Variants in TLCD4 observed in about 807,000 individuals in gnomAD.
TLCD4 encodes TLC domain-containing protein 4.
Under a neutral mutation model 24.2 loss-of-function variants are expected in TLCD4, and 7 were observed. That is an observed-to-expected ratio of 0.29 (90% CI 0.16 to 0.54). TLCD4 has a LOEUF of 0.54. Among genes scored for constraint, TLCD4 ranks in the 20% least tolerant of loss-of-function variants. The pLI, the probability that TLCD4 is intolerant of heterozygous loss-of-function variation, is 0.95. For missense variants in TLCD4, 259 were observed against 313.9 expected, an observed-to-expected ratio of 0.82 and a Z score of 1.32; for synonymous variants, 103 against 106.4, an observed-to-expected ratio of 0.97 and a Z score of 0.20.
At chr1:95,104,864 C>CA in the TLCD4 span, among the ~76,000 whole-genome samples, 1 of 150,510 alleles carries the variant, frequency 6.6e-6, no homozygotes, top group African/African-American at 2.4e-5. Context: ...CCCATCTCTA[C>CA]AAAAAATTAG....
intron 1 of TLCD4, chr1:95,117,901 G>GGGCCCGC: frequency 6.6e-6 from 1 of 151,450 alleles, no homozygotes; most frequent in African/African-American, 2.4e-5. Flanking sequence ...TGGTGTCCCG[G>GGGCCCGC]GGCCCGCGGC....
At position 95,143,899 on chromosome 1, in the gene TLCD4, A is replaced by T. The variant is rs371230901; in HGVS notation, c.-3A>T. On this transcript the variant is annotated 5_prime_UTR_variant, in exon 2 of 7. Transcript: ENST00000370203. ...GTCATTTATCTTAACAGGTTGAAGA[A>T]ATATGGAGATCAACACAAAACTGCT... 5.0e-5 allele frequency: 71 copies of T among 1,415,654 alleles called. No homozygotes were observed. Among genetic ancestry groups the T allele is most frequent in the Non-Finnish European group, 7.4e-6 (8 of 1,079,284 alleles). The allele number at this position is 1,415,654 out of a possible 1,614,324, so 87.7% of individuals were successfully genotyped here.
chr1:95,136,019 G>T (rs919707513), intron 1 of TLCD4, among the ~76,000 whole-genome samples: 1 of 152,016 alleles, frequency 6.6e-6, no homozygotes, highest in Non-Finnish European at 1.5e-5. Flanking sequence ...ACTGAGCCTG[G>T]CCTGCTCTCA....
intron 1 of TLCD4, among the ~76,000 whole-genome samples, chr1:95,127,468 G>T (rs935513127): frequency 1.3e-5 from 2 of 152,136 alleles, no homozygotes; most frequent in African/African-American, 4.8e-5. Flanking sequence ...TTTAAAAAAA[G>T]AACAAAATAT....
chr1:95,101,972 G>T, the TLCD4 span, among the ~76,000 whole-genome samples: 1 of 152,154 alleles, frequency 6.6e-6, no homozygotes, highest in Admixed American at 6.5e-5. Flanking sequence ...GGAAATGTAG[G>T]TTTGAGCTCA....
At chr1:95,176,540 A>G (rs1229162268) in intron 6 of TLCD4, among the ~76,000 whole-genome samples, 1 of 152,196 alleles carries the variant, frequency 6.6e-6, no homozygotes, top group Non-Finnish European at 1.5e-5. Flanking sequence ...GTGGTACTGA[A>G]TATTGATACT....
chr1:95,186,895 A>C (rs1443705036), intron 6 of TLCD4, among the ~76,000 whole-genome samples: 1 of 152,002 alleles, frequency 6.6e-6, no homozygotes, highest in African/African-American at 2.4e-5. Context: ...TAATCACTCA[A>C]TAAAATATTT....
upstream of TLCD4, chr1:95,117,320 G>A (rs1676449829): frequency 6.6e-6 from 1 of 152,262 alleles, no homozygotes. Flanking sequence ...GCCGCCCGGA[G>A]CGGGAGCCGG....
At chr1:95,106,024 G>A in the TLCD4 span, among the ~76,000 whole-genome samples, 2 of 152,118 alleles carry the variant, frequency 1.3e-5, no homozygotes, top group Non-Finnish European at 2.9e-5. Context: ...CGAGGAGGAA[G>A]TCAATGATGA....
At chr1:95,167,750 A>G (rs182016429) in intron 5 of TLCD4, among the ~76,000 whole-genome samples, 1 of 152,162 alleles carries the variant, frequency 6.6e-6, no homozygotes, top group Admixed American at 6.5e-5. Context: ...GCTCTCCATT[A>G]TCTCAAGTAG....
chr1:95,185,544 A>G (rs749030304), intron 6 of TLCD4, among the ~76,000 whole-genome samples: 20 of 152,134 alleles, frequency 1.3e-4, no homozygotes, highest in Admixed American at 3.3e-4. Flanking sequence ...CACCTCTTCC[A>G]CCTCTGCCAC....
At chr1:95,128,100 A>G (rs1186429294) in intron 1 of TLCD4, among the ~76,000 whole-genome samples, 1 of 152,154 alleles carries the variant, frequency 6.6e-6, no homozygotes, top group Non-Finnish European at 1.5e-5. Flanking sequence ...CACCGAAAAA[A>G]GTTTTCGGTG....
At chr1:95,149,968 A>C (rs1446290961) in intron 3 of TLCD4, among the ~76,000 whole-genome samples, 1 of 152,072 alleles carries the variant, frequency 6.6e-6, no homozygotes, top group African/African-American at 2.4e-5. Flanking sequence ...TCACTTTGTA[A>C]CTATCTTACT....
Position 95,194,297 on chromosome 1 carries a change from C to A in TLCD4, c.*2429C>A, listed in dbSNP as rs984100001. The stretch of plus-strand genomic sequence containing the variant: ...AGTAGGTTCTATATATTTCCTCATA[C>A]AACAGACATGGAATGGAAATGCCAC... On this transcript the variant is annotated 3_prime_UTR_variant, in exon 7 of 7. Coordinates refer to ENST00000370203, the MANE Select transcript of TLCD4 (RefSeq NM_152487.3). The A allele has an allele frequency of 6.6e-6, 1 of 152,090 alleles. No homozygotes were observed. The highest frequency in any genetic ancestry group is 1.5e-5 in the Non-Finnish European group (1 of 67,974). The allele number at this position is 152,090 out of a possible 1,614,324, so 9.4% of individuals were successfully genotyped here.
chr1:95,188,389 GAAA>G, intron 6 of TLCD4, among the ~76,000 whole-genome samples: 1 of 104,502 alleles, frequency 9.6e-6, no homozygotes, highest in South Asian at 3.6e-4. Context: ...CTCCGTCTCA[GAAA>G]AAAAAAAAAA....
At chr1:95,130,017 A>G (rs907970996) in intron 1 of TLCD4, among the ~76,000 whole-genome samples, 4 of 152,238 alleles carry the variant, frequency 2.6e-5, no homozygotes, top group African/African-American at 9.6e-5. Flanking sequence ...CTCTTCACAT[A>G]CAATTAAAAC....
chr1:95,172,540 G>A (rs1027437127), intron 5 of TLCD4, among the ~76,000 whole-genome samples: 1 of 152,146 alleles, frequency 6.6e-6, no homozygotes, highest in Non-Finnish European at 1.5e-5. Flanking sequence ...TGCTGTTGCT[G>A]TGTCTTTGGC....
At chr1:95,181,607 T>TTTATTTA (rs1557697278) in intron 6 of TLCD4, among the ~76,000 whole-genome samples, 22 of 141,644 alleles carry the variant, frequency 1.6e-4, no homozygotes, top group African/African-American at 5.8e-4. Context: ...TTATTTATTT[T>TTTATTTA]TTTTTTTGAG....
chr1:95,118,362 C>CT (rs1453801134), intron 1 of TLCD4, among the ~76,000 whole-genome samples: 2 of 152,196 alleles, frequency 1.3e-5, no homozygotes, highest in Non-Finnish European at 2.9e-5. Flanking sequence ...TGTGAAAACA[C>CT]TTTGAGTCTA....
Sources: allele counts gnomAD v4.1 joint callset (sites outside exome capture counted in the v4.1 genomes callset), GRCh38; gene constraint gnomAD v4.1.1; transcripts MANE v1.5; gene names NCBI Gene and HGNC (gene_info 2026-07-23, HGNC 2026-07-21).